MAST2: variants seen among roughly 807,000 people sequenced by gnomAD.
MAST2 encodes microtubule-associated serine/threonine-protein kinase 2.
MAST2 carries 70 observed loss-of-function variants against 147.4 expected under a neutral mutation model. The ratio of observed to expected loss-of-function variants is 0.47; its 90% CI spans 0.39 to 0.58. The LOEUF is 0.58. Among genes scored for constraint, MAST2 ranks in the 20% least tolerant of loss-of-function variants. The pLI is 0.00. For synonymous variants in MAST2, 869 were observed against 896.8 expected (o/e 0.97, Z 0.55); for missense variants, 2,080 against 2,302.3 (o/e 0.90, Z 1.98).
chr1:45,887,967 A>G (rs1227866424), intron 4 of MAST2, among the ~76,000 whole-genome samples: 1 of 152,224 alleles, frequency 6.6e-6, no homozygotes, highest in Non-Finnish European at 1.5e-5. Context: ...ATATCCCTAC[A>G]GGGAACCAGT....
At chr1:45,885,694 T>C (rs529237625) in intron 4 of MAST2, among the ~76,000 whole-genome samples, 219 of 152,302 alleles carry the variant, frequency 1.4e-3, no homozygotes, top group Non-Finnish European at 2.2e-3. Flanking sequence ...TCCATTCACT[T>C]TGTCATTTGC....
intron 4 of MAST2, among the ~76,000 whole-genome samples, chr1:45,943,488 A>G (rs1390769591): frequency 6.6e-6 from 1 of 152,216 alleles, no homozygotes; most frequent in African/African-American, 2.4e-5. Flanking sequence ...GGAACAAGTT[A>G]ATGATGCTAA....
intron 4 of MAST2, among the ~76,000 whole-genome samples, chr1:45,952,999 A>G (rs928061263): frequency 6.6e-6 from 1 of 152,224 alleles, no homozygotes; most frequent in African/African-American, 2.4e-5. Flanking sequence ...AAAGTAAGAT[A>G]GACCTGAAAT....
At chr1:45,837,010 A>G (rs1404265177) in intron 3 of MAST2, among the ~76,000 whole-genome samples, 1 of 152,164 alleles carries the variant, frequency 6.6e-6, no homozygotes, top group East Asian at 1.9e-4. Flanking sequence ...GCAGTTCACA[A>G]TAGGGTTCAT....
At chr1:46,010,284 G>C (rs1397943821) in intron 9 of MAST2, among the ~76,000 whole-genome samples, 1 of 152,208 alleles carries the variant, frequency 6.6e-6, no homozygotes. Flanking sequence ...CATTTGCCTG[G>C]GGAAATGAAA....
chr1:45,840,278 CT>C (rs1645233691), intron 3 of MAST2, among the ~76,000 whole-genome samples: 2 of 152,268 alleles, frequency 1.3e-5, no homozygotes, highest in South Asian at 4.1e-4. Context: ...TACCTTCTAC[CT>C]TTGGAGGTAG....
At chr1:45,969,803 C>T (rs1019466643) in intron 5 of MAST2, among the ~76,000 whole-genome samples, 1 of 152,106 alleles carries the variant, frequency 6.6e-6, no homozygotes, top group Admixed American at 6.6e-5. Flanking sequence ...CTGTAAACCC[C>T]TTGCCTCCCC....
In MAST2 at chr1:45,852,383, A is replaced by G. The variant is rs560034216; in HGVS notation, c.468+22802A>G. 2.0e-3 allele frequency among the ~76,000 whole-genome samples: 310 copies of G among 152,162 alleles called. 2 individuals carry two copies. The highest frequency in any genetic ancestry group is 6.9e-3 in the African/African-American group (288 of 41,494). On this transcript the variant is annotated intron_variant, in intron 3 of 28. Coordinates refer to ENST00000361297, the MANE Select transcript of MAST2 (RefSeq NM_015112.3). ...ATTTATATTTATATTTCCTTTTGAT[A>G]CAGGGTCTCACTCTGTCCCCCAGGC...
chr1:45,839,129 ATTT>A lies in MAST2; in HGVS notation c.468+9563_468+9565del, dbSNP rs370950575. ...GCTGGGACTACAGGCACCATCACAAATTTTTTTTTTTTTTTTTGAGACGGAGTC... is the reference window on the plus strand; with the variant it reads ...GCTGGGACTACAGGCACCATCACAAATTTTTTTTTTTTTTGAGACGGAGTC... On this transcript the variant is annotated intron_variant, in intron 3 of 28. Coordinates refer to ENST00000361297, the MANE Select transcript of MAST2 (RefSeq NM_015112.3). 1.1e-3 allele frequency among the ~76,000 whole-genome samples: 135 copies of A among 127,612 alleles called. 1 individual carries two copies. Among genetic ancestry groups the A allele is most frequent in the Admixed American group, 1.4e-3 (17 of 12,424 alleles). 83.7% of individuals were successfully genotyped at this position (127,612 alleles called of 152,430 possible). A position where few individuals can be genotyped will look rare whatever the true frequency, so the allele number is the denominator to read the frequency against.
intron 16 of MAST2, among the ~76,000 whole-genome samples, chr1:46,026,609 G>A (rs1181961053): frequency 3.3e-5 from 5 of 152,130 alleles, no homozygotes; most frequent in African/African-American, 9.7e-5. Flanking sequence ...CGAGACCAGG[G>A]AAAGACAGCA....
intron 4 of MAST2, chr1:45,913,632 G>A (rs899662804): frequency 3.0e-6 from 3 of 1,003,010 alleles, no homozygotes; most frequent in Non-Finnish European, 3.6e-6. Flanking sequence ...CTGCTGCCTC[G>A]TGGGCTCTTA....
At chr1:45,966,138 C>CT (rs1661158933) in intron 5 of MAST2, among the ~76,000 whole-genome samples, 1 of 152,176 alleles carries the variant, frequency 6.6e-6, no homozygotes, top group South Asian at 2.1e-4. Flanking sequence ...TTCAGACTGG[C>CT]TTCTTTCACT....
intron 3 of MAST2, among the ~76,000 whole-genome samples, chr1:45,871,800 GCAGTGTTATTTATGTTAGTTA>G (rs1646403101): frequency 6.6e-6 from 1 of 152,194 alleles, no homozygotes; most frequent in East Asian, 1.9e-4. Context: ...CTAAGCCCAA[GCAGTGTTATTTATGTTAGTTA>G]CATTATGTGG....
At chr1:45,944,745 T>C (rs1376755332) in intron 4 of MAST2, among the ~76,000 whole-genome samples, 4 of 152,232 alleles carry the variant, frequency 2.6e-5, no homozygotes, top group Non-Finnish European at 5.9e-5. Context: ...CATATTTATT[T>C]GCCATCATGG....
chr1:45,908,709 T>G (rs1291277633), intron 4 of MAST2, among the ~76,000 whole-genome samples: 1 of 152,220 alleles, frequency 6.6e-6, no homozygotes. Flanking sequence ...GTGGTCTTTC[T>G]TGGTGAACAT....
At chr1:45,870,406 A>AT (rs1646335986) in intron 3 of MAST2, among the ~76,000 whole-genome samples, 1 of 152,002 alleles carries the variant, frequency 6.6e-6, no homozygotes, top group Admixed American at 6.5e-5. Flanking sequence ...ATGCTCATGT[A>AT]TATAATGTAA....
chr1:45,946,753 CGCTCTCTTTATTGTGTCCTGATATA>C, intron 4 of MAST2, among the ~76,000 whole-genome samples: 1 of 152,170 alleles, frequency 6.6e-6, no homozygotes, highest in Admixed American at 6.5e-5. Context: ...CTCAAGATAG[CGCTCTCTTTATTGTGTCCTGATATA>C]GGGTTGATAG....
intron 1 of MAST2, among the ~76,000 whole-genome samples, chr1:45,814,030 AT>A (rs1212700707): frequency 2.0e-5 from 3 of 152,220 alleles, no homozygotes; most frequent in African/African-American, 7.2e-5. Flanking sequence ...AGTGCAACAC[AT>A]TACATGTTCA....
chr1:45,840,899 T>C (rs1645252736), intron 3 of MAST2, among the ~76,000 whole-genome samples: 1 of 152,128 alleles, frequency 6.6e-6, no homozygotes, highest in Non-Finnish European at 1.5e-5. Flanking sequence ...CCTACATGCA[T>C]TGGGGGATGG....
Sources: gnomAD v4.1 joint callset for allele counts (sites outside exome capture counted in the v4.1 genomes callset) on GRCh38, gnomAD v4.1.1 for gene constraint, MANE v1.5 for transcripts, NCBI Gene and HGNC (gene_info 2026-07-23, HGNC 2026-07-21) for gene names.